PTP4A3: variants seen among roughly 807,000 people sequenced by gnomAD.
PTP4A3 encodes the protein protein tyrosine phosphatase type IVA 3.
Under a neutral mutation model 15.2 loss-of-function variants are expected in PTP4A3, and 9 were observed. The ratio of observed to expected loss-of-function variants is 0.59; its 90% CI spans 0.36 to 1.03. PTP4A3 has a LOEUF of 1.03. Among genes scored for constraint, PTP4A3 ranks in the 50% least tolerant of loss-of-function variants. The pLI is 0.02. For missense variants in PTP4A3, 234 were observed against 252.1 expected, an observed-to-expected ratio of 0.93 and a Z score of 0.49; for synonymous variants, 95 against 102.0, an observed-to-expected ratio of 0.93 and a Z score of 0.41.
At chr8:141,426,281 C>T (rs1833573845) in intron 3 of PTP4A3, among the ~76,000 whole-genome samples, 1 of 152,204 alleles carries the variant, frequency 6.6e-6, no homozygotes, top group African/African-American at 2.4e-5. Context: ...CCGGGCCCTC[C>T]CCTAGGAAGA....
intron 1 of PTP4A3, among the ~76,000 whole-genome samples, chr8:141,399,277 G>A (rs1288724674): frequency 6.6e-6 from 1 of 152,208 alleles, no homozygotes. Context: ...GGCTCGCCTG[G>A]TCCTGGGGCC....
chr8:141,429,940 T>A (rs28552826), intron 5 of PTP4A3, among the ~76,000 whole-genome samples: 38 of 7,336 alleles, frequency 5.2e-3, no homozygotes, highest in East Asian at 0.011. Context: ...TGTAAGGACC[T>A]GGTGGCGGGG....
chr8:141,426,168 C>G (rs992740763), intron 3 of PTP4A3, among the ~76,000 whole-genome samples: 1 of 152,244 alleles, frequency 6.6e-6, no homozygotes, highest in Admixed American at 6.5e-5. Context: ...GTGGGCCCAG[C>G]GGGCTCTCCC....
chr8:141,410,660 G>T (rs554305425), intron 1 of PTP4A3, among the ~76,000 whole-genome samples: 11 of 152,242 alleles, frequency 7.2e-5, no homozygotes, highest in African/African-American at 2.4e-4. Context: ...TCCTACAGAC[G>T]AGCACACTGA....
intron 1 of PTP4A3, among the ~76,000 whole-genome samples, chr8:141,420,970 G>C (rs1327798341): frequency 6.6e-6 from 1 of 152,204 alleles, no homozygotes; most frequent in African/African-American, 2.4e-5. Context: ...AGCTGTCCTG[G>C]GGTGGAGTTT....
At chr8:141,396,134 G>A (rs114218996) in intron 1 of PTP4A3, among the ~76,000 whole-genome samples, 43 of 152,358 alleles carry the variant, frequency 2.8e-4, no homozygotes, top group African/African-American at 8.9e-4. Context: ...TGGTGATTGC[G>A]GTACAGCCAG....
At chr8:141,408,405 G>C (rs1285985767) in intron 1 of PTP4A3, among the ~76,000 whole-genome samples, 1 of 152,240 alleles carries the variant, frequency 6.6e-6, no homozygotes, top group Admixed American at 6.5e-5. Context: ...GATCACCTGA[G>C]GTCAGGAGTT....
rs376545338 is a variant in PTP4A3, at chr8:141,401,619, G to A, written c.-854+9535G>A. ...GCCCAGCCACAGGAAGCCATCTGGA[G>A]GCCTTGTTTACCCCTCCCCCTGGCC... is the stretch of plus-strand genomic sequence containing the variant. On this transcript the variant is annotated intron_variant, in intron 1 of 5. Transcript: ENST00000521578. Among the ~76,000 whole-genome samples, 7 of 152,172 alleles carry A rather than the reference G, an allele frequency of 4.6e-5. No homozygotes were observed. The South Asian group carries it at 1.2e-3, about 27-fold the overall frequency.
At chr8:141,403,309 G>C (rs1335547067) in intron 1 of PTP4A3, among the ~76,000 whole-genome samples, 3 of 152,230 alleles carry the variant, frequency 2.0e-5, no homozygotes, top group Non-Finnish European at 4.4e-5. Context: ...TGGTGTTGCT[G>C]ATGCTGCTGA....
At chr8:141,394,406 G>A (rs1832385279) in intron 1 of PTP4A3, among the ~76,000 whole-genome samples, 1 of 152,092 alleles carries the variant, frequency 6.6e-6, no homozygotes, top group Non-Finnish European at 1.5e-5. Context: ...ACCACCCCAG[G>A]GCGCTTTCTC....
rs913624378 is a variant in PTP4A3, at chr8:141,425,592, G to A, written c.198+452G>A. On this transcript the variant is annotated intron_variant, in intron 3 of 5. Transcript: ENST00000521578. This position sits in a 1 kb window ranked among gnomAD's most constrained non-coding sequence, Gnocchi z 4.2. ...TGGCCCTGGGGACCCAGGTCTGGGC[G>A]GGGGGTGGGGCGGTTCTGCTGCGAT... Among the ~76,000 whole-genome samples the A allele has an allele frequency of 7.2e-5, 10 of 138,300 alleles. No homozygotes were observed. Among genetic ancestry groups the A allele is most frequent in the East Asian group, 2.6e-4 (1 of 3,870 alleles). 90.7% of individuals were successfully genotyped at this position (138,300 alleles called of 152,430 possible).
At chr8:141,407,941 G>T (rs1336585645) in intron 1 of PTP4A3, among the ~76,000 whole-genome samples, 3 of 152,158 alleles carry the variant, frequency 2.0e-5, no homozygotes, top group African/African-American at 7.2e-5. Context: ...ATTAGCGTTA[G>T]TGTATTTTAT....
intron 3 of PTP4A3, chr8:141,426,636 G>C (rs1833589083): frequency 2.0e-6 from 2 of 985,332 alleles, no homozygotes; most frequent in African/African-American, 3.5e-5. Flanking sequence ...CAGGTGTGGG[G>C]ATTAGGATTT....
chr8:141,395,366 T>A (rs1315153060), intron 1 of PTP4A3, among the ~76,000 whole-genome samples: 1 of 152,124 alleles, frequency 6.6e-6, no homozygotes, highest in Non-Finnish European at 1.5e-5. Flanking sequence ...GACCCCTAGG[T>A]GGGGCATCGC....
Position 141,397,180 on chromosome 8 carries a change from C to T in PTP4A3, c.-854+5096C>T, listed in dbSNP as rs10105445. Among the ~76,000 whole-genome samples the T allele has an allele frequency of 8.2e-3, 1,243 of 152,304 alleles. 13 individuals carry two copies. Among genetic ancestry groups the T allele is most frequent in the African/African-American group, 0.027 (1,126 of 41,554 alleles). On this transcript the variant is annotated intron_variant, in intron 1 of 5. Coordinates refer to ENST00000521578, the MANE Select transcript of PTP4A3 (RefSeq NM_032611.3). ...TGTTACACGCAGGGAAGCCGGGGCT[C>T]GGGGAAGGTGGCTGCCAGGGTGTGC...
chr8:141,427,916 C>A, intron 5 of PTP4A3, 92 bp downstream of exon 5: 2 of 1,238,818 alleles, frequency 1.6e-6, no homozygotes, highest in South Asian at 1.4e-5. Context: ...CTGTGTGGTT[C>A]CGTCGCTCTG....
At chr8:141,415,440 C>G (rs1170083089) in intron 1 of PTP4A3, among the ~76,000 whole-genome samples, 2 of 150,998 alleles carry the variant, frequency 1.3e-5, no homozygotes, top group East Asian at 4.1e-4. Context: ...CAGGCCAGCG[C>G]TGGAGGGACC....
At chr8:141,429,487 G>A (rs1362522851) in intron 5 of PTP4A3, among the ~76,000 whole-genome samples, 1 of 152,250 alleles carries the variant, frequency 6.6e-6, no homozygotes, top group Non-Finnish European at 1.5e-5. Context: ...AGGACCAGGT[G>A]GCGGGGCAGG....
At chr8:141,430,419 A>G (rs1833812873) in intron 5 of PTP4A3, among the ~76,000 whole-genome samples, 2 of 150,946 alleles carry the variant, frequency 1.3e-5, no homozygotes, top group African/African-American at 4.9e-5. Context: ...GGTGGCGGGG[A>G]CAGGGTGAGC....
Sources: gnomAD v4.1 joint callset for allele counts (sites outside exome capture counted in the v4.1 genomes callset) on GRCh38, gnomAD v4.1.1 for gene constraint, Gnocchi (gnomAD v3.1) non-coding constraint, MANE v1.5 for transcripts, NCBI Gene and HGNC (gene_info 2026-07-23, HGNC 2026-07-21) for gene names.